AOPEP: variants seen among roughly 807,000 people sequenced by gnomAD.
The protein encoded by AOPEP is aminopeptidase O (putative).
AOPEP carries 77 observed loss-of-function variants against 98.1 expected under a neutral mutation model. That is an observed-to-expected ratio of 0.78 (90% CI 0.65 to 0.95). The LOEUF (loss-of-function observed/expected upper bound fraction) is 0.95. AOPEP is among the 40% of genes least tolerant of loss of function. The pLI, the probability that AOPEP is intolerant of heterozygous loss-of-function variation, is 0.00. For synonymous variants in AOPEP, 346 were observed against 365.3 expected (o/e 0.95, Z 0.60); for missense variants, 1,024 against 1,024.7 (o/e 1.00, Z 0.01).
chr9:94,769,765 C>T (rs1840438825), intron 2 of AOPEP, among the ~76,000 whole-genome samples: 1 of 152,170 alleles, frequency 6.6e-6, no homozygotes, highest in African/African-American at 2.4e-5. Flanking sequence ...TGCTGGGGGC[C>T]TGGCCAGGTA....
chr9:94,726,940 G>T (rs1022963961), intron 1 of AOPEP, among the ~76,000 whole-genome samples, 189 bp downstream of exon 1: 4 of 152,150 alleles, frequency 2.6e-5, no homozygotes, highest in Non-Finnish European at 5.9e-5. Flanking sequence ...CCCATCCTGG[G>T]GACTGGGCGG....
chr9:94,768,523 A>C (rs767367788), intron 2 of AOPEP, among the ~76,000 whole-genome samples: 2 of 152,242 alleles, frequency 1.3e-5, no homozygotes, highest in African/African-American at 4.8e-5. Flanking sequence ...CTTGAAAGGC[A>C]GAGTTAGTAT....
intron 5 of AOPEP, among the ~76,000 whole-genome samples, chr9:94,882,615 A>G (rs1388874845): frequency 6.6e-6 from 1 of 152,190 alleles, no homozygotes; most frequent in African/African-American, 2.4e-5. Context: ...GTCTCTACTA[A>G]AAATACAAAA....
chr9:94,926,607 C>T (rs1411746320), intron 6 of AOPEP, among the ~76,000 whole-genome samples: 2 of 152,202 alleles, frequency 1.3e-5, no homozygotes, highest in Non-Finnish European at 2.9e-5. Flanking sequence ...GAGTGCCTGC[C>T]TCAGACCGTC....
intron 3 of AOPEP, among the ~76,000 whole-genome samples, chr9:94,781,088 ATTC>A (rs1843135927): frequency 6.6e-6 from 1 of 151,636 alleles, no homozygotes; most frequent in African/African-American, 2.4e-5. Context: ...AGCAGTTGTT[ATTC>A]TTTTTTTTTT....
At chr9:94,965,572 C>T (rs1267137014) in intron 9 of AOPEP, among the ~76,000 whole-genome samples, 1 of 152,254 alleles carries the variant, frequency 6.6e-6, no homozygotes, top group Non-Finnish European at 1.5e-5. Flanking sequence ...TCTAGCTGTT[C>T]TGTAACGTGA....
chr9:94,815,590 CT>C (rs1851536647), intron 5 of AOPEP, among the ~76,000 whole-genome samples: 1 of 152,082 alleles, frequency 6.6e-6, no homozygotes, highest in South Asian at 2.1e-4. Context: ...AAGGCAATCC[CT>C]TTTCCAATGG....
At chr9:94,761,347 C>G (rs1480834769) in intron 2 of AOPEP, among the ~76,000 whole-genome samples, 1 of 152,196 alleles carries the variant, frequency 6.6e-6, no homozygotes, top group Non-Finnish European at 1.5e-5. Flanking sequence ...TTTCCTCCAA[C>G]AGTTGTTCAG....
At position 94,760,164 on chromosome 9, in the gene AOPEP, C is replaced by CTCAA; in HGVS notation, c.382_385dup (p.Lys129IlefsTer6). ...AGGAACATGCTTCTGGGATTTCTAG[C>CTCAA]TCAAAGTACTGCTGTGACACAGGGA... is the stretch of plus-strand genomic sequence containing the variant. On this transcript the variant is annotated frameshift_variant, in exon 2 of 17. Coordinates refer to ENST00000375315, the MANE Select transcript of AOPEP (RefSeq NM_001193329.3). LOFTEE classifies it high-confidence loss of function. 6.2e-7 allele frequency: 1 copy of CTCAA among 1,614,212 alleles called. No homozygotes were observed. The highest frequency in any genetic ancestry group is 8.5e-7 in the Non-Finnish European group (1 of 1,180,048).
rs145031761 is a variant in AOPEP at position 95,066,171 on chromosome 9, C to T, written c.2232+5361C>T. 3.5e-3 allele frequency among the ~76,000 whole-genome samples: 532 copies of T among 152,176 alleles called. 4 individuals are homozygous for T. The highest frequency in any genetic ancestry group is 0.013 in the Admixed American group (197 of 15,290). On this transcript the variant is annotated intron_variant, in intron 14 of 16. Transcript: ENST00000375315. ...TTATTTGGTTTATGAAACATTTAAT[C>T]GATGTTTCAGAACATTCTTTCAAAG...
chr9:94,941,289 T>C (rs72750325), intron 7 of AOPEP, among the ~76,000 whole-genome samples: 1,843 of 152,350 alleles, frequency 0.012, 32 homozygotes, highest in East Asian at 0.044. Context: ...TCCTACCTGA[T>C]CATTGGCCTG....
chr9:95,108,262 C>T, the AOPEP span, among the ~76,000 whole-genome samples: 4,220 of 152,312 alleles, frequency 0.028, 98 homozygotes, highest in Admixed American at 0.041. Context: ...CACCATCGGG[C>T]TCTTCCACGG....
chr9:94,754,250 G>A lies in AOPEP; in HGVS notation c.-135-5399G>A, dbSNP rs115375903. Reference sequence around the variant, plus strand: ...TATGCATTTGAGTGTGTGAAGAATTGTGCCCAGAAACAGTGTATTTCAGCA... The same window carrying A: ...TATGCATTTGAGTGTGTGAAGAATTATGCCCAGAAACAGTGTATTTCAGCA... On this transcript the variant is annotated intron_variant, in intron 1 of 16. Coordinates refer to ENST00000375315, the MANE Select transcript of AOPEP (RefSeq NM_001193329.3). Among the ~76,000 whole-genome samples the A allele has an allele frequency of 3.7e-3, 566 of 152,272 alleles. 2 individuals are homozygous for A. Among genetic ancestry groups the A allele is most frequent in the African/African-American group, 0.013 (549 of 41,552 alleles).
At chr9:94,754,160 T>C (rs1836465537) in intron 1 of AOPEP, among the ~76,000 whole-genome samples, 1 of 152,214 alleles carries the variant, frequency 6.6e-6, no homozygotes. Context: ...TATTTGAACT[T>C]CTAAGTTTCC....
At position 95,033,639 on chromosome 9, in the gene AOPEP, A is replaced by G. The variant is rs1472548956; in HGVS notation, c.2116-27055A>G. On this transcript the variant is annotated intron_variant, in intron 13 of 16. Transcript: ENST00000375315. ...GGTTAATTATATGACGCTATAATTA[A>G]TAATAAAGCCTGTATTCTACTTAAT... is the stretch of plus-strand genomic sequence containing the variant. 3.9e-5 allele frequency among the ~76,000 whole-genome samples: 6 copies of G among 152,358 alleles called. No individual in the cohort carries two copies. In the East Asian group the frequency reaches 7.7e-4, roughly 20 times the overall value.
chr9:95,014,679 C>T (rs1015594078), intron 13 of AOPEP, among the ~76,000 whole-genome samples: 2 of 152,118 alleles, frequency 1.3e-5, no homozygotes, highest in East Asian at 1.9e-4. Context: ...AAGGAAGTGG[C>T]GCTTTCTGAA....
chr9:94,871,774 AG>A (rs1322780632), intron 5 of AOPEP, among the ~76,000 whole-genome samples: 1 of 152,178 alleles, frequency 6.6e-6, no homozygotes, highest in African/African-American at 2.4e-5. Context: ...TCAGAGGCTG[AG>A]GCCAGTGGAT....
chr9:94,795,123 T>C (rs1846627388), intron 4 of AOPEP, among the ~76,000 whole-genome samples: 1 of 152,226 alleles, frequency 6.6e-6, no homozygotes, highest in Admixed American at 6.5e-5. Context: ...GATAAGGATA[T>C]TGAAGCTCAG....
intron 11 of AOPEP, among the ~76,000 whole-genome samples, chr9:94,994,728 G>A (rs1022420637): frequency 2.0e-5 from 3 of 152,136 alleles, no homozygotes; most frequent in Non-Finnish European, 4.4e-5. Context: ...GAGGTGGGTG[G>A]ATCACCTGAG....
Sources: allele counts gnomAD v4.1 joint callset (sites outside exome capture counted in the v4.1 genomes callset), GRCh38; gene constraint gnomAD v4.1.1; transcripts MANE v1.5; gene names NCBI Gene and HGNC (gene_info 2026-07-23, HGNC 2026-07-21).